CSMD1: variants seen among roughly 807,000 people sequenced by gnomAD.
CSMD1 encodes CUB and sushi domain-containing protein 1.
In CSMD1, 213 loss-of-function variants were observed where a neutral mutation model predicts 417.5. The observed-to-expected ratio is 0.51, with a 90% confidence interval of 0.46 to 0.57. CSMD1 has a LOEUF of 0.57. Among genes scored for constraint, CSMD1 ranks in the 20% least tolerant of loss-of-function variants. The pLI, the probability that CSMD1 is intolerant of heterozygous loss-of-function variation, is 0.00. For synonymous variants in CSMD1, 2,862 were observed against 1,736.8 expected, an observed-to-expected ratio of 1.65 and a Z score of -16.11; for missense variants, 6,923 against 4,529.7, an observed-to-expected ratio of 1.53 and a Z score of -15.17.
chr8:4,019,557 C>T lies in CSMD1; in HGVS notation c.610+12348G>A, dbSNP rs540118950. The stretch of plus-strand genomic sequence containing the variant: ...ATTCCCCATTCCCTCTGTGCCTGAG[C>T]TGTCGTATCTGTGTTTTACGGTCTG... On this transcript the variant is annotated intron_variant, in intron 4 of 69. Transcript: ENST00000635120. 4.9e-4 allele frequency among the ~76,000 whole-genome samples: 75 copies of T among 152,298 alleles called. 1 individual carries two copies. The South Asian group carries it at 0.016, about 32-fold the overall frequency.
intron 3 of CSMD1, among the ~76,000 whole-genome samples, chr8:4,418,945 T>G (rs1444188201): frequency 2.0e-5 from 3 of 152,166 alleles, no homozygotes; most frequent in Non-Finnish European, 4.4e-5. Flanking sequence ...GATAAGTCGG[T>G]CCATTCCTAT....
Position 2,938,453 on chromosome 8 carries a change from T to A in CSMD1, c.*132A>T. On this transcript the variant is annotated 3_prime_UTR_variant, in exon 70 of 70. Coordinates refer to ENST00000635120, the MANE Select transcript of CSMD1 (RefSeq NM_033225.6). ...TGAGTAGAGATCCCCGCTGCACTTA[T>A]GCCAGTAGACAAGGTTGAAGATCGC... 1 of 820,438 alleles carries A rather than the reference T, an allele frequency of 1.2e-6. No homozygotes were observed. The highest frequency in any genetic ancestry group is 1.7e-5 in the African/African-American group (1 of 57,900). The allele number at this position is 820,438 out of a possible 1,614,324, so 50.8% of individuals were successfully genotyped here.
chr8:4,904,505 G>T (rs906826151), intron 1 of CSMD1, among the ~76,000 whole-genome samples: 2 of 152,064 alleles, frequency 1.3e-5, no homozygotes, highest in African/African-American at 4.8e-5. Context: ...CTGACTCAGA[G>T]CCTACTACCC....
intron 3 of CSMD1, among the ~76,000 whole-genome samples, chr8:4,195,246 T>C (rs1258948242): frequency 6.6e-6 from 1 of 152,172 alleles, no homozygotes; most frequent in Non-Finnish European, 1.5e-5. Flanking sequence ...TTTTAATTTG[T>C]TTTTTAAGAG....
chr8:3,542,794 A>G (rs138276394), intron 10 of CSMD1, among the ~76,000 whole-genome samples: 8 of 152,334 alleles, frequency 5.3e-5, no homozygotes, highest in Admixed American at 3.9e-4. Flanking sequence ...AGGACAGGAT[A>G]TCCTTCGATG....
chr8:3,178,545 C>T lies in CSMD1; in HGVS notation c.5725+2565G>A, dbSNP rs935246247. On this transcript the variant is annotated intron_variant, in intron 37 of 69. Coordinates refer to ENST00000635120, the MANE Select transcript of CSMD1 (RefSeq NM_033225.6). ...TTCGTAATAAAATGCACTTTTCATG[C>T]CTGCCTCTGCATGCCATCTGTTATT... Among the ~76,000 whole-genome samples the T allele has an allele frequency of 5.9e-5, 9 of 152,174 alleles. 1 individual carries two copies. The highest frequency in any genetic ancestry group is 2.0e-4 in the Admixed American group (3 of 15,274).
intron 1 of CSMD1, among the ~76,000 whole-genome samples, chr8:4,643,359 TA>T (rs1803324111): frequency 6.6e-6 from 1 of 152,206 alleles, no homozygotes; most frequent in Non-Finnish European, 1.5e-5. Context: ...AGAACTTGAT[TA>T]CTTTCTGACA....
chr8:3,835,263 G>T (rs1802614207), intron 5 of CSMD1, among the ~76,000 whole-genome samples: 1 of 151,798 alleles, frequency 6.6e-6, no homozygotes, highest in African/African-American at 2.4e-5. Context: ...AAAGACACAT[G>T]CACACATATG....
chr8:4,586,645 C>A (rs543475917), intron 2 of CSMD1, among the ~76,000 whole-genome samples: 2 of 152,234 alleles, frequency 1.3e-5, no homozygotes, highest in Non-Finnish European at 2.9e-5. Context: ...ATCATAAAAA[C>A]ACAGCACTAA....
intron 2 of CSMD1, among the ~76,000 whole-genome samples, chr8:4,619,120 CT>C (rs1801633346): frequency 6.6e-6 from 1 of 152,074 alleles, no homozygotes; most frequent in South Asian, 2.1e-4. Context: ...TTTCTCTAGT[CT>C]TTTGCCCTAG....
intron 22 of CSMD1, among the ~76,000 whole-genome samples, chr8:3,344,569 G>C (rs1336711298): frequency 6.6e-6 from 1 of 152,164 alleles, no homozygotes; most frequent in African/African-American, 2.4e-5. Flanking sequence ...GCAGGGGGCT[G>C]TAAAAATAAA....
intron 2 of CSMD1, among the ~76,000 whole-genome samples, chr8:4,630,541 G>C (rs1241132793): frequency 1.3e-5 from 2 of 151,850 alleles, no homozygotes; most frequent in African/African-American, 4.8e-5. Flanking sequence ...GCTTACCTAG[G>C]GGTCACTAAT....
intron 1 of CSMD1, among the ~76,000 whole-genome samples, chr8:4,673,964 T>A (rs923319071): frequency 1.3e-5 from 2 of 152,328 alleles, no homozygotes; most frequent in Middle Eastern, 3.4e-3. Flanking sequence ...TGCACACCTC[T>A]GTGAATATAT....
chr8:4,128,086 T>A (rs1310146842), intron 3 of CSMD1, among the ~76,000 whole-genome samples: 1 of 152,168 alleles, frequency 6.6e-6, no homozygotes, highest in Non-Finnish European at 1.5e-5. Context: ...AAATGGTTCC[T>A]CAACAGTCTT....
intron 1 of CSMD1, among the ~76,000 whole-genome samples, chr8:4,815,399 A>G (rs1799146332): frequency 6.6e-6 from 1 of 152,120 alleles, no homozygotes; most frequent in African/African-American, 2.4e-5. Flanking sequence ...CTGTACTGCA[A>G]TATATTAAGA....
At position 3,025,621 on chromosome 8, in the gene CSMD1, A is replaced by G. The variant is rs531118733; in HGVS notation, c.7855+3698T>C. On this transcript the variant is annotated intron_variant, in intron 51 of 69. Coordinates refer to ENST00000635120, the MANE Select transcript of CSMD1 (RefSeq NM_033225.6). ...CCAATGACTACACTACCAACCATCA[A>G]TATATTTTATTTTACATATCTCCAC... 5.3e-5 allele frequency among the ~76,000 whole-genome samples: 8 copies of G among 152,352 alleles called. No homozygotes were observed. In the South Asian group the frequency reaches 6.2e-4, roughly 12 times the overall value.
intron 2 of CSMD1, among the ~76,000 whole-genome samples, chr8:4,562,243 A>G (rs1798375604): frequency 6.6e-6 from 1 of 152,290 alleles, no homozygotes; most frequent in South Asian, 2.1e-4. Context: ...GGTGTTCCAC[A>G]CGGGAAATAC....
intron 6 of CSMD1, among the ~76,000 whole-genome samples, chr8:3,726,748 G>T (rs2720810): frequency 0.25 from 38,535 of 151,990 alleles, 5,153 homozygotes; most frequent in African/African-American, 0.33. Context: ...TGCCAGTCCA[G>T]TTCTCATTCC....
chr8:2,948,521 A>G (rs992056004), intron 68 of CSMD1, among the ~76,000 whole-genome samples: 1 of 152,160 alleles, frequency 6.6e-6, no homozygotes, highest in African/African-American at 2.4e-5. Flanking sequence ...CTCTTTCCAC[A>G]TCAATATATA....
Sources: gnomAD v4.1 joint callset for allele counts (sites outside exome capture counted in the v4.1 genomes callset) on GRCh38, gnomAD v4.1.1 for gene constraint, MANE v1.5 for transcripts, NCBI Gene and HGNC (gene_info 2026-07-23, HGNC 2026-07-21) for gene names.